PAK1: variants seen among roughly 807,000 people sequenced by gnomAD.
PAK1 encodes the protein p21 (RAC1) activated kinase 1, also known as serine/threonine-protein kinase PAK 1.
In PAK1, 29 loss-of-function variants were observed where a neutral mutation model predicts 67.4. That is an observed-to-expected ratio of 0.43 (90% CI 0.32 to 0.59). PAK1 has a LOEUF of 0.59. PAK1 is among the 20% of genes least tolerant of loss of function. The pLI, the probability that PAK1 is intolerant of heterozygous loss-of-function variation, is 0.07. For synonymous variants in PAK1, 223 were observed against 237.4 expected, an observed-to-expected ratio of 0.94 and a Z score of 0.56; for missense variants, 337 against 670.7, an observed-to-expected ratio of 0.50 and a Z score of 5.50.
Position 77,445,772 on chromosome 11 carries a change from G to A in PAK1, c.-22+27780C>T, listed in dbSNP as rs139744122. On this transcript the variant is annotated intron_variant, in intron 1 of 14. Transcript: ENST00000356341. ...ATGGACTGTTTGGGGCCAAGAGAGA[G>A]CTTAAAGATCATGTAGTGCAATCCT... is the stretch of plus-strand genomic sequence containing the variant. 6.3e-3 allele frequency among the ~76,000 whole-genome samples: 957 copies of A among 152,300 alleles called. 4 individuals are homozygous for A. In the Middle Eastern group the frequency reaches 0.068, roughly 11 times the overall value.
chr11:77,487,596 T>A, the PAK1 span, among the ~76,000 whole-genome samples: 6 of 151,970 alleles, frequency 3.9e-5, no homozygotes, highest in Non-Finnish European at 8.8e-5. Context: ...CCAGCAGCAT[T>A]CACCACAAGT....
At chr11:77,482,445 C>G in the PAK1 span, among the ~76,000 whole-genome samples, 308 of 152,246 alleles carry the variant, frequency 2.0e-3, 1 homozygote, top group African/African-American at 7.2e-3. Context: ...TAGCTATAAA[C>G]TTCCATAAAT....
intron 1 of PAK1, among the ~76,000 whole-genome samples, chr11:77,468,767 G>A (rs1957715826): frequency 1.3e-5 from 2 of 152,078 alleles, no homozygotes; most frequent in Admixed American, 6.5e-5. Context: ...GTTTGATAGA[G>A]TTTAAAAGGC....
the PAK1 span, among the ~76,000 whole-genome samples, chr11:77,522,800 G>C: frequency 6.6e-6 from 1 of 152,064 alleles, no homozygotes; most frequent in Non-Finnish European, 1.5e-5. Flanking sequence ...GTCCACAATA[G>C]CAAAGACATG....
the PAK1 span, among the ~76,000 whole-genome samples, chr11:77,517,690 TA>T: frequency 3.9e-5 from 6 of 152,208 alleles, no homozygotes; most frequent in African/African-American, 1.4e-4. Flanking sequence ...TTTCTATTAT[TA>T]TTACATTGTA....
chr11:77,414,424 A>C (rs1954837683), intron 1 of PAK1, among the ~76,000 whole-genome samples: 1 of 152,224 alleles, frequency 6.6e-6, no homozygotes, highest in South Asian at 2.1e-4. Context: ...AGAGATTCTG[A>C]CTTGGTTGGT....
At chr11:77,510,459 G>C in the PAK1 span, among the ~76,000 whole-genome samples, 1 of 152,106 alleles carries the variant, frequency 6.6e-6, no homozygotes, top group Non-Finnish European at 1.5e-5. Context: ...TCAATCTCTT[G>C]ATCTCATGAT....
rs887163694 is a variant in PAK1, at chr11:77,441,219, C to T, written c.-22+32333G>A. Among the ~76,000 whole-genome samples, 3 of 151,608 alleles carry T rather than the reference C, an allele frequency of 2.0e-5. No homozygotes were observed. In the East Asian group the frequency reaches 5.8e-4, roughly 29 times the overall value. On this transcript the variant is annotated intron_variant, in intron 1 of 14. Coordinates refer to ENST00000356341, the MANE Select transcript of PAK1 (RefSeq NM_002576.5). ...AATACCGTCTTAAAAAAAAAAAAAT[C>T]TAAAGGAAAGAAGGTGAGGAAAAGG...
At chr11:77,375,180 G>C (rs991106287) in intron 4 of PAK1, among the ~76,000 whole-genome samples, 3 of 152,150 alleles carry the variant, frequency 2.0e-5, no homozygotes, top group African/African-American at 7.2e-5. Flanking sequence ...AATTAGATTT[G>C]AATTCTGGTC....
At chr11:77,403,045 G>A (rs1396613025) in intron 1 of PAK1, among the ~76,000 whole-genome samples, 1 of 152,094 alleles carries the variant, frequency 6.6e-6, no homozygotes, top group Non-Finnish European at 1.5e-5. Flanking sequence ...AAGAAATCTG[G>A]CTATGCCCTG....
At chr11:77,385,626 C>T (rs1216504375) in intron 2 of PAK1, among the ~76,000 whole-genome samples, 6 of 152,116 alleles carry the variant, frequency 3.9e-5, no homozygotes, top group South Asian at 2.1e-4. Flanking sequence ...GCAGCCGTGG[C>T]GGGTGAATCA....
At chr11:77,355,542 A>AT in intron 7 of PAK1, 126 bp downstream of exon 7, 2 of 719,776 alleles carry the variant, frequency 2.8e-6, no homozygotes, top group South Asian at 3.4e-5. Context: ...GGTGAGGAGA[A>AT]GCAGTCTGTG....
At chr11:77,341,933 C>T (rs549422620) in intron 10 of PAK1, among the ~76,000 whole-genome samples, 1 of 152,306 alleles carries the variant, frequency 6.6e-6, no homozygotes, top group Non-Finnish European at 1.5e-5. Flanking sequence ...ATAAACATGA[C>T]AGACTAAGTG....
intron 14 of PAK1, among the ~76,000 whole-genome samples, chr11:77,329,500 A>G (rs1000262123): frequency 2.6e-5 from 4 of 152,256 alleles, no homozygotes; most frequent in Non-Finnish European, 5.9e-5. Context: ...AATAAATGTA[A>G]TCCAAGGTAT....
At chr11:77,469,578 T>G (rs1429893089) in intron 1 of PAK1, among the ~76,000 whole-genome samples, 1 of 152,126 alleles carries the variant, frequency 6.6e-6, no homozygotes, top group Non-Finnish European at 1.5e-5. Flanking sequence ...TACAAGGTCA[T>G]GCAGTAACAT....
At chr11:77,359,333 C>T (rs575437016) in intron 5 of PAK1, among the ~76,000 whole-genome samples, 1 of 152,186 alleles carries the variant, frequency 6.6e-6, no homozygotes, top group Non-Finnish European at 1.5e-5. Context: ...GCTCACAGTA[C>T]CTTCTTATTC....
At chr11:77,500,517 T>C in the PAK1 span, among the ~76,000 whole-genome samples, 1 of 152,012 alleles carries the variant, frequency 6.6e-6, no homozygotes, top group Non-Finnish European at 1.5e-5. Context: ...CTCCCTCCAA[T>C]TCCACGTCTT....
the PAK1 span, among the ~76,000 whole-genome samples, chr11:77,509,162 G>A: frequency 2.6e-5 from 4 of 151,636 alleles, no homozygotes; most frequent in Non-Finnish European, 5.9e-5. Context: ...GGAGGCTGAG[G>A]CAGGAGAATG....
the PAK1 span, among the ~76,000 whole-genome samples, chr11:77,500,917 C>G: frequency 5.9e-5 from 9 of 152,272 alleles, no homozygotes; most frequent in Admixed American, 4.6e-4. Flanking sequence ...CCTGGCTCCC[C>G]ACATGGTCCT....
Sources: allele counts gnomAD v4.1 joint callset (sites outside exome capture counted in the v4.1 genomes callset), GRCh38; gene constraint gnomAD v4.1.1; transcripts MANE v1.5; gene names NCBI Gene and HGNC (gene_info 2026-07-23, HGNC 2026-07-21).